The following ADAMTS18 variants were observed in gnomAD, a reference collection of about 807,000 sequenced individuals.
ADAMTS18 encodes the protein ADAM metallopeptidase with thrombospondin type 1 motif 18, also known as A disintegrin and metalloproteinase with thrombospondin motifs 18.
Under a neutral mutation model 165.9 loss-of-function variants are expected in ADAMTS18, and 157 were observed. That is an observed-to-expected ratio of 0.95 (90% confidence interval 0.83 to 1.08). The LOEUF (loss-of-function observed/expected upper bound fraction) is 1.08, where lower values mean the gene tolerates loss of function less well. Among genes scored for constraint, ADAMTS18 ranks in the 50% least tolerant of loss-of-function variants. ADAMTS18 has a pLI of 0.00. For missense variants in ADAMTS18, 2,040 were observed against 1,534.0 expected (o/e 1.33, Z -5.51); for synonymous variants, 782 against 578.2 (o/e 1.35, Z -5.06).
In ADAMTS18 at chr16:77,336,020, G is replaced by T. The variant is rs1015149412; in HGVS notation, c.1711-116C>A. 3 of 1,223,738 alleles carry T rather than the reference G, an allele frequency of 2.5e-6. 1 individual carries two copies. The highest frequency in any genetic ancestry group is 3.0e-5 in the African/African-American group (2 of 67,240). 75.8% of individuals were successfully genotyped at this position (1,223,738 alleles called of 1,614,324 possible). ...AGGTCTGTTGGGAGAAAAGGAAAAT[G>T]CCTGATACCTTGATAAATTCCTCTG... On this transcript the variant is annotated intron_variant, in intron 11 of 22. Coordinates refer to ENST00000282849, the MANE Select transcript of ADAMTS18 (RefSeq NM_199355.4).
intron 3 of ADAMTS18, among the ~76,000 whole-genome samples, chr16:77,406,345 G>C (rs1049699419): frequency 7.2e-5 from 11 of 152,078 alleles, no homozygotes; most frequent in African/African-American, 2.4e-4. Flanking sequence ...CAATCTGATA[G>C]AGGGTATCTC....
intron 7 of ADAMTS18, among the ~76,000 whole-genome samples, 182 bp from the exon 8 acceptor site, chr16:77,359,605 A>C (rs2056682891): frequency 6.6e-6 from 1 of 152,022 alleles, no homozygotes; most frequent in Non-Finnish European, 1.5e-5. Flanking sequence ...ATAATGTATA[A>C]ATGCAACATT....
chr16:77,367,430 T>C lies in ADAMTS18; in HGVS notation c.778+11A>G, dbSNP rs1269271117. On this transcript the variant is annotated intron_variant, in intron 4 of 22. Coordinates refer to ENST00000282849, the MANE Select transcript of ADAMTS18 (RefSeq NM_199355.4). ...CATAAGAACAGAAAAAGAAAAAGTT[T>C]CCTTACATACATTTCTTGCGTCGTC... The C allele has an allele frequency of 1.2e-6, 2 of 1,614,104 alleles. No homozygotes were observed.
chr16:77,300,450 C>T (rs1001592595), intron 16 of ADAMTS18, 46 bp from the exon 17 acceptor site: 8 of 1,603,902 alleles, frequency 5.0e-6, no homozygotes, highest in Non-Finnish European at 6.8e-6. Context: ...ACAGGTCAGA[C>T]CCTGGAATTC....
chr16:77,304,115 A>G (rs2055639454), intron 16 of ADAMTS18, among the ~76,000 whole-genome samples: 1 of 152,208 alleles, frequency 6.6e-6, no homozygotes, highest in African/African-American at 2.4e-5. Context: ...ATTATCATCT[A>G]AAGAAGCTTT....
At chr16:77,348,877 A>G (rs2056515070) in intron 10 of ADAMTS18, among the ~76,000 whole-genome samples, 1 of 152,228 alleles carries the variant, frequency 6.6e-6, no homozygotes, top group South Asian at 2.1e-4. Context: ...TTTAACAACA[A>G]TAAAAAAATG....
intron 3 of ADAMTS18, among the ~76,000 whole-genome samples, chr16:77,400,521 G>A (rs1220029793): frequency 3.5e-5 from 5 of 144,750 alleles, no homozygotes; most frequent in Admixed American, 7.2e-5. Flanking sequence ...TCGCTCTGTC[G>A]CCCAGGCTGG....
At chr16:77,334,621 ATATATACTATAGTATATAGTG>A (rs1324365818) in intron 12 of ADAMTS18, among the ~76,000 whole-genome samples, 2 of 112,482 alleles carry the variant, frequency 1.8e-5, no homozygotes, top group African/African-American at 7.2e-5. Flanking sequence ...AGTATATAGT[ATATATACTATAGTATATAGTG>A]TATATACACT....
intron 19 of ADAMTS18, among the ~76,000 whole-genome samples, chr16:77,293,756 A>T (rs1337742598): frequency 1.3e-5 from 2 of 148,768 alleles, no homozygotes; most frequent in African/African-American, 2.5e-5. Flanking sequence ...CTCATAAGTA[A>T]CATGCATCCT....
intron 3 of ADAMTS18, among the ~76,000 whole-genome samples, chr16:77,428,458 C>A (rs760009104): frequency 7.2e-5 from 11 of 152,142 alleles, no homozygotes; most frequent in Non-Finnish European, 1.3e-4. Flanking sequence ...ATGCAAACTA[C>A]ACCCATAATG....
intron 5 of ADAMTS18, 70 bp downstream of exon 5, chr16:77,364,118 C>G (rs2056756397): frequency 6.3e-6 from 10 of 1,587,682 alleles, no homozygotes; most frequent in Middle Eastern, 1.7e-4. Context: ...TGCTATTCAA[C>G]CCATGCAAGA....
In ADAMTS18 at chr16:77,295,116, C is replaced by T. The variant is rs753892043; in HGVS notation, c.2813G>A (p.Gly938Asp). ...GGCCTTGCTGCATGTACTCCATTCA[C>T]CTGGCATCCAGCTTTCAGTGCAAAA... ...AFSCPAYWMPGEWSTCSKACA... is the reference protein window; with the variant it reads ...AFSCPAYWMPDEWSTCSKACA... Residue 938 changes from glycine to aspartate, a missense_variant, in exon 19 of 23, where the codon GGT becomes GAT. Gly to Asp is a moderately conservative substitution (Grantham distance 94). Coordinates refer to ENST00000282849, the MANE Select transcript of ADAMTS18 (RefSeq NM_199355.4). 5 of 1,614,178 alleles carry T rather than the reference C, an allele frequency of 3.1e-6. No individual in the cohort carries two copies. In the East Asian group the frequency reaches 6.7e-5, roughly 22 times the overall value.
Position 77,333,380 on chromosome 16 carries a change from G to A in ADAMTS18, c.1859+2376C>T, listed in dbSNP as rs1411993604. ...CGTGGGGCTTAAAGCTTAGATGATG[G>A]GTTGATAGGTGCAGCAAACCACCAT... On this transcript the variant is annotated intron_variant, in intron 12 of 22. Transcript: ENST00000282849. Among the ~76,000 whole-genome samples the A allele has an allele frequency of 2.0e-5, 3 of 151,594 alleles. No homozygotes were observed. In the East Asian group the frequency reaches 5.8e-4, roughly 29 times the overall value.
intron 12 of ADAMTS18, among the ~76,000 whole-genome samples, chr16:77,334,727 A>ATATACTATAGTATATTTACTG (rs2056267268): frequency 1.4e-5 from 1 of 73,422 alleles, no homozygotes; most frequent in Non-Finnish European, 2.4e-5. Flanking sequence ...GTATACTACT[A>ATATACTATAGTATATTTACTG]TATACTATAG....
At chr16:77,381,048 A>G (rs2057022851) in intron 3 of ADAMTS18, among the ~76,000 whole-genome samples, 1 of 151,794 alleles carries the variant, frequency 6.6e-6, no homozygotes, top group Non-Finnish European at 1.5e-5. Context: ...GAATTTTTGT[A>G]TTTTTAGTAG....
At chr16:77,365,102 CA>C (rs966929567) in intron 4 of ADAMTS18, among the ~76,000 whole-genome samples, 2 of 152,094 alleles carry the variant, frequency 1.3e-5, no homozygotes, top group African/African-American at 2.4e-5. Context: ...TTTATGTCCT[CA>C]AAAGAAACAC....
intron 3 of ADAMTS18, among the ~76,000 whole-genome samples, chr16:77,389,344 C>T (rs182242494): frequency 1.1e-4 from 17 of 152,244 alleles, no homozygotes; most frequent in Admixed American, 9.8e-4. Flanking sequence ...TGATCTAATT[C>T]CACAAAATGC....
intron 4 of ADAMTS18, among the ~76,000 whole-genome samples, chr16:77,366,897 A>C (rs1376424113): frequency 6.6e-6 from 1 of 151,974 alleles, no homozygotes; most frequent in African/African-American, 2.4e-5. Context: ...CTTTTTTTTA[A>C]CTTTTAAAAC....
At chr16:77,354,451 T>C (rs1342066046) in intron 9 of ADAMTS18, among the ~76,000 whole-genome samples, 1 of 152,092 alleles carries the variant, frequency 6.6e-6, no homozygotes, top group Non-Finnish European at 1.5e-5. Flanking sequence ...CAGAAAAATT[T>C]CCTTCAGATA....
Sources: gnomAD v4.1 joint callset for allele counts (sites outside exome capture counted in the v4.1 genomes callset) on GRCh38, gnomAD v4.1.1 for gene constraint, MANE v1.5 for transcripts, NCBI Gene and HGNC (gene_info 2026-07-23, HGNC 2026-07-21) for gene names.